CHST15: variants seen among roughly 807,000 people sequenced by gnomAD.
The protein encoded by CHST15 is B cell RAG associated protein (GALNAC4S-6ST).
Under a neutral mutation model 53.6 loss-of-function variants are expected in CHST15, and 30 were observed. That is an observed-to-expected ratio of 0.56 (90% CI 0.42 to 0.76). CHST15 has a LOEUF of 0.76. Ranked by LOEUF, CHST15 falls within the 30% of genes least tolerant of loss-of-function variation. The pLI is 0.00. For missense variants in CHST15, 627 were observed against 740.5 expected, an observed-to-expected ratio of 0.85 and a Z score of 1.78; for synonymous variants, 296 against 289.8, an observed-to-expected ratio of 1.02 and a Z score of -0.22.
intron 7 of CHST15, chr10:124,010,638 C>G: frequency 1.0e-6 from 1 of 985,456 alleles, no homozygotes; most frequent in African/African-American, 1.7e-5. Context: ...GATTCCCTTC[C>G]AATTGCCCTT....
At chr10:124,082,954 T>C (rs914322369) in intron 1 of CHST15, among the ~76,000 whole-genome samples, 4 of 152,184 alleles carry the variant, frequency 2.6e-5, no homozygotes, top group African/African-American at 9.7e-5. Flanking sequence ...AAAGGGGTGA[T>C]AGCTAAGGTG....
chr10:124,009,058 G>C lies in CHST15; in HGVS notation c.*1091C>G. 2.3e-6 allele frequency: 3 copies of C among 1,286,462 alleles called. No homozygotes were observed. The highest frequency in any genetic ancestry group is 3.0e-6 in the Non-Finnish European group (3 of 986,482). 79.7% of individuals were successfully genotyped at this position (1,286,462 alleles called of 1,614,324 possible). A position where few individuals can be genotyped will look rare whatever the true frequency, so the allele number is the denominator to read the frequency against. On this transcript the variant is annotated 3_prime_UTR_variant, in exon 8 of 8. Coordinates refer to ENST00000435907, the MANE Select transcript of CHST15 (RefSeq NM_001270764.2). ...ACGAGTATCTATAGTCCCTTGCTGG[G>C]TGAGGAACTTTGACCACACGCAGTG... is the stretch of plus-strand genomic sequence containing the variant.
chr10:124,082,652 G>A (rs1949284706), intron 1 of CHST15, among the ~76,000 whole-genome samples: 1 of 152,216 alleles, frequency 6.6e-6, no homozygotes, highest in Non-Finnish European at 1.5e-5. Flanking sequence ...AAGAGCCAAA[G>A]GTGGAGACCA....
At chr10:124,039,517 C>T (rs758291320) in intron 4 of CHST15, among the ~76,000 whole-genome samples, 1 of 152,278 alleles carries the variant, frequency 6.6e-6, no homozygotes, top group Non-Finnish European at 1.5e-5. Context: ...GGCTCACACG[C>T]CCTGTCTCCT....
At chr10:124,034,523 C>T (rs561746796) in intron 5 of CHST15, among the ~76,000 whole-genome samples, 5 of 151,294 alleles carry the variant, frequency 3.3e-5, no homozygotes, top group African/African-American at 9.8e-5. Context: ...GACCCTGGCT[C>T]CACCCCTAAC....
At chr10:124,013,355 CCAAGGCTTGGCCTGGCAATACTCCA>C in intron 6 of CHST15, among the ~76,000 whole-genome samples, 1 of 152,288 alleles carries the variant, frequency 6.6e-6, no homozygotes, top group Middle Eastern at 3.4e-3. Context: ...GCCTGGACCC[CCAAGGCTTGGCCTGGCAATACTCCA>C]CGAGGATTGC....
chr10:124,085,014 G>A (rs1949373366), intron 1 of CHST15, among the ~76,000 whole-genome samples: 1 of 152,180 alleles, frequency 6.6e-6, no homozygotes, highest in Non-Finnish European at 1.5e-5. Flanking sequence ...TTGTAATCCT[G>A]GCGGTTCCTT....
At chr10:124,029,566 C>T (rs769353930) in intron 5 of CHST15, among the ~76,000 whole-genome samples, 22 of 152,178 alleles carry the variant, frequency 1.4e-4, no homozygotes, top group East Asian at 9.6e-4. Context: ...TTCTCAGAGG[C>T]GACACCAAGC....
chr10:124,010,121 C>A lies in CHST15; in HGVS notation c.*28G>T. 1.2e-6 allele frequency: 2 copies of A among 1,609,430 alleles called. No homozygotes were observed. Among genetic ancestry groups the A allele is most frequent in the African/African-American group, 2.7e-5 (2 of 74,984 alleles). Reference sequence around the variant, plus strand: ...TCCTGATGATGACGGCATTGGCGGGCCCAGCACGTGCAGCAACAATTCAGC... The same window carrying A: ...TCCTGATGATGACGGCATTGGCGGGACCAGCACGTGCAGCAACAATTCAGC... On this transcript the variant is annotated 3_prime_UTR_variant, in exon 8 of 8. Transcript: ENST00000435907.
At position 124,042,350 on chromosome 10, in the gene CHST15, C is replaced by A. The variant is rs1056631388; in HGVS notation, c.984G>T (p.Leu328=). ...TCTGCTCCTTTGCAGAGCTGGCCTG[C>A]AGTCCTTGATGGATCTGGTGTGCGG... ...DLAAHQIHQG[L]QASSAKEQSK... is the part of the protein sequence containing the mutation. The change falls in exon 4 of 8, where the codon CTG becomes CTT. Residue 328 remains leucine (L), a synonymous_variant. Transcript: ENST00000435907. 2 of 1,614,082 alleles carry A rather than the reference C, an allele frequency of 1.2e-6. No homozygotes were observed. Among genetic ancestry groups the A allele is most frequent in the African/African-American group, 2.7e-5 (2 of 74,930 alleles).
chr10:124,089,248 C>T (rs926105181), intron 1 of CHST15, among the ~76,000 whole-genome samples: 9 of 152,182 alleles, frequency 5.9e-5, no homozygotes, highest in South Asian at 2.1e-4. Flanking sequence ...AAGAGAAGTC[C>T]GCTGGCTGAT....
At position 124,012,450 on chromosome 10, in the gene CHST15, A is replaced by G; in HGVS notation, c.1378T>C (p.Tyr460His). The G allele has an allele frequency of 6.2e-7, 1 of 1,614,190 alleles. No individual in the cohort carries two copies. The highest frequency in any genetic ancestry group is 8.5e-7 in the Non-Finnish European group (1 of 1,180,028). Residue 460 changes from tyrosine (Y) to histidine (H), a missense_variant, in exon 7 of 8, where the codon TAC becomes CAC. Tyr to His is a moderately conservative substitution (Grantham distance 83, BLOSUM62 2). This residue lies in a region of CHST15 where 279 missense variants were observed against 371.6 expected (regional missense o/e 0.75). Coordinates refer to ENST00000435907, the MANE Select transcript of CHST15 (RefSeq NM_001270764.2). The stretch of plus-strand genomic sequence containing the variant: ...AAAACGCTGAGCCAGTCCAGAAGGT[A>G]CACAGCATAGAGCCCAACCTGGAGC... ...VRLQVGLYAV[Y>H]LLDWLSVFDK...
intron 1 of CHST15, among the ~76,000 whole-genome samples, chr10:124,079,993 C>A (rs951533081): frequency 6.6e-6 from 1 of 152,188 alleles, no homozygotes. Context: ...GACGTACCCC[C>A]TCAAGCATGT....
intron 6 of CHST15, among the ~76,000 whole-genome samples, chr10:124,013,770 G>A (rs1333569975): frequency 1.3e-5 from 2 of 152,136 alleles, no homozygotes; most frequent in East Asian, 1.9e-4. Flanking sequence ...CCCTTCTCCA[G>A]GGCTTCTCCC....
At position 124,010,226 on chromosome 10, in the gene CHST15, GCAGAA is replaced by G. The variant is rs777691269; in HGVS notation, c.1604_1608del (p.Ile535ThrfsTer10). ...GCGTTGAAGGGCCTGTAGAAATCCC[GCAGAA>G]TCTTCTGTGTGATGGGCCACATGGG... On this transcript the variant is annotated frameshift_variant, in exon 8 of 8. Coordinates refer to ENST00000435907, the MANE Select transcript of CHST15 (RefSeq NM_001270764.2). LOFTEE classifies it high-confidence loss of function. 1 of 1,614,014 alleles carries G rather than the reference GCAGAA, an allele frequency of 6.2e-7. No homozygotes were observed. The highest frequency in any genetic ancestry group is 1.3e-5 in the African/African-American group (1 of 74,944).
At chr10:124,037,053 G>A (rs1947523778) in intron 5 of CHST15, among the ~76,000 whole-genome samples, 1 of 152,170 alleles carries the variant, frequency 6.6e-6, no homozygotes, top group Non-Finnish European at 1.5e-5. Context: ...TCTGGTGGCT[G>A]CCGGCACTCC....
At chr10:124,020,863 G>T in intron 6 of CHST15, 1 of 1,256,862 alleles carries the variant, frequency 8.0e-7, no homozygotes, top group African/African-American at 1.5e-5. Flanking sequence ...GAAAATCATT[G>T]ATGGGTAGTT....
At position 124,046,282 on chromosome 10, in the gene CHST15, G is replaced by C; in HGVS notation, c.-70C>G. On this transcript the variant is annotated 5_prime_UTR_variant, in exon 2 of 8. Coordinates refer to ENST00000435907, the MANE Select transcript of CHST15 (RefSeq NM_001270764.2). ...GGGCCCCCCACGAGTCTGGATGTCC[G>C]CAAGTCGTGCTAGAAAACCTTAAGA... 7.0e-7 allele frequency: 1 copy of C among 1,429,844 alleles called. No individual in the cohort carries two copies. Among genetic ancestry groups the C allele is most frequent in the South Asian group, 1.4e-5 (1 of 72,748 alleles). 88.6% of individuals were successfully genotyped at this position (1,429,844 alleles called of 1,614,324 possible). A position where few individuals can be genotyped will look rare whatever the true frequency, so the allele number is the denominator to read the frequency against.
chr10:124,040,710 C>G (rs1338408271), intron 4 of CHST15, among the ~76,000 whole-genome samples: 1 of 152,234 alleles, frequency 6.6e-6, no homozygotes, highest in Non-Finnish European at 1.5e-5. Flanking sequence ...AGTCCAGGAA[C>G]AGGAAAAATG....
Sources: allele counts gnomAD v4.1 joint callset (sites outside exome capture counted in the v4.1 genomes callset), GRCh38; gene constraint gnomAD v4.1.1; regional missense constraint gnomAD v4.1.1; transcripts MANE v1.5; gene names NCBI Gene and HGNC (gene_info 2026-07-23, HGNC 2026-07-21).